Variants in MGA observed in about 807,000 individuals in gnomAD.
The protein encoded by MGA is MAX dimerization protein MGA, also known as MAX gene-associated protein.
A neutral mutation model predicts 261.1 loss-of-function variants in MGA; 40 were observed. That is an observed-to-expected ratio of 0.15 (90% confidence interval 0.12 to 0.20). MGA has a LOEUF of 0.20. Ranked by LOEUF, MGA falls within the 10% of genes least tolerant of loss-of-function variation. The probability of loss-of-function intolerance (pLI) is 1.00; values close to 1 mark genes in which losing one functional copy is unlikely to be tolerated. For missense variants in MGA, 3,397 were observed against 3,630.5 expected, an observed-to-expected ratio of 0.94 and a Z score of 1.65; for synonymous variants, 1,302 against 1,290.6, an observed-to-expected ratio of 1.01 and a Z score of -0.19.
chr15:41,740,166 G>A lies in MGA; in HGVS notation c.4548G>A (p.Lys1516=). 6.2e-7 allele frequency: 1 copy of A among 1,613,992 alleles called. No individual in the cohort carries two copies. The highest frequency in any genetic ancestry group is 8.5e-7 in the Non-Finnish European group (1 of 1,179,868). Reference sequence around the variant, plus strand: ...GCACTGCAACAAATCGCCCTGGGAAGAATCTGAAGGCGTTTGTCCCAGCAA... The same window carrying A: ...GCACTGCAACAAATCGCCCTGGGAAAAATCTGAAGGCGTTTGTCCCAGCAA... Residue 1516 remains lysine, a synonymous_variant, in exon 14 of 24, where the codon AAG becomes AAA. Coordinates refer to ENST00000219905, the MANE Select transcript of MGA (RefSeq NM_001164273.2).
At position 41,669,768 on chromosome 15, in the gene MGA, G is replaced by A. The variant is rs1488463450; in HGVS notation, c.874G>A (p.Val292Ile). ...TATTTCCAGTTCTTCTGGTCATCGG[G>A]TCCGTCTTACAGAAGGTCAGGGGTC... The change falls in exon 2 of 24, where the codon GTC (valine) becomes ATC (isoleucine). Residue 292 changes from valine (V) to isoleucine (I), a missense_variant. Physicochemically the swap from Val to Ile is conservative, Grantham distance 29. Transcript: ENST00000219905. 8.7e-6 allele frequency: 14 copies of A among 1,613,942 alleles called. No individual in the cohort carries two copies. Among genetic ancestry groups the A allele is most frequent in the Non-Finnish European group, 8.5e-7 (1 of 1,179,870 alleles).
intron 5 of MGA, among the ~76,000 whole-genome samples, chr15:41,706,395 A>G (rs977158079): frequency 3.3e-5 from 5 of 150,572 alleles, no homozygotes; most frequent in African/African-American, 1.2e-4. Flanking sequence ...CTACAGGTGC[A>G]CGCCACAGTG....
intron 9 of MGA, 91 bp from the exon 10 acceptor site, chr15:41,727,089 T>C: frequency 2.1e-6 from 2 of 937,470 alleles, no homozygotes; most frequent in Non-Finnish European, 1.6e-6. Context: ...TACTGCCTTT[T>C]GTGAGGGAGC....
intron 15 of MGA, among the ~76,000 whole-genome samples, chr15:41,745,305 AAAG>A (rs1318674914): frequency 4.7e-5 from 7 of 149,726 alleles, no homozygotes; most frequent in South Asian, 2.1e-4. Context: ...AAAAAAAAAA[AAAG>A]AGACAGCATT....
chr15:41,638,633 CAA>C (rs2056757705), intron 1 of MGA, among the ~76,000 whole-genome samples: 1 of 151,208 alleles, frequency 6.6e-6, no homozygotes, highest in Admixed American at 6.6e-5. Flanking sequence ...CTTGGCCTCT[CAA>C]AGTGTTGGGA....
Position 41,762,281 on chromosome 15 carries a change from T to C in MGA, c.7663T>C (p.Ser2555Pro). 4 of 1,613,886 alleles carry C rather than the reference T, an allele frequency of 2.5e-6. No individual in the cohort carries two copies. Among genetic ancestry groups the C allele is most frequent in the Non-Finnish European group, 3.4e-6 (4 of 1,179,862 alleles). The change falls in exon 22 of 24, where the codon TCT (serine) becomes CCT (proline). Residue 2555 changes from serine (S) to proline (P), a missense_variant. Coordinates refer to ENST00000219905, the MANE Select transcript of MGA (RefSeq NM_001164273.2). ...ACAGCAGGAAGGATCTTCTGCATCATCTGTAGATCTTGGACAGATGTTTAT... is the reference window on the plus strand; with the variant it reads ...ACAGCAGGAAGGATCTTCTGCATCACCTGTAGATCTTGGACAGATGTTTAT...
intron 2 of MGA, among the ~76,000 whole-genome samples, chr15:41,685,959 C>T (rs1011442072): frequency 2.0e-5 from 3 of 149,594 alleles, no homozygotes; most frequent in Non-Finnish European, 4.4e-5. Context: ...GAGCCGAGAT[C>T]GTGCCACTGC....
chr15:41,659,240 G>A (rs1442377412), upstream of MGA, among the ~76,000 whole-genome samples: 2 of 152,178 alleles, frequency 1.3e-5, no homozygotes, highest in African/African-American at 4.8e-5. Flanking sequence ...TATCTCCTCA[G>A]GAAGAGCAAA....
chr15:41,676,160 T>C (rs1454958217), intron 2 of MGA, among the ~76,000 whole-genome samples: 1 of 152,210 alleles, frequency 6.6e-6, no homozygotes, highest in African/African-American at 2.4e-5. Flanking sequence ...AGAATGACAT[T>C]ATTATAGAGA....
chr15:41,689,832 C>G (rs1325000072), intron 2 of MGA, among the ~76,000 whole-genome samples: 1 of 152,138 alleles, frequency 6.6e-6, no homozygotes, highest in Non-Finnish European at 1.5e-5. Flanking sequence ...TCAGCCACCA[C>G]ACCTGGCCCA....
rs1361664128 is a variant in MGA at position 41,710,810 on chromosome 15, C to T, written c.2545C>T (p.Pro849Ser). ...AAGCATGGGTTTTTCTTCTAATGCT[C>T]CCACATCTCCTGTGGTGTACCAGCT... is the stretch of plus-strand genomic sequence containing the variant. The change falls in exon 8 of 24, where the codon CCC becomes TCC. Residue 849 changes from proline (P) to serine (S), a missense_variant. Coordinates refer to ENST00000219905, the MANE Select transcript of MGA (RefSeq NM_001164273.2). The T allele has an allele frequency of 1.2e-5, 19 of 1,613,836 alleles. No homozygotes were observed. The highest frequency in any genetic ancestry group is 1.4e-5 in the Non-Finnish European group (17 of 1,179,880).
At chr15:41,633,354 AT>A (rs60602781) in intron 1 of MGA, among the ~76,000 whole-genome samples, 1,859 of 112,498 alleles carry the variant, frequency 0.017, 21 homozygotes, top group African/African-American at 0.033. Flanking sequence ...CTCCTATGGT[AT>A]TTTTTTTTTT....
chr15:41,687,399 TTTTGTA>T (rs2059026815), intron 2 of MGA, among the ~76,000 whole-genome samples: 1 of 152,186 alleles, frequency 6.6e-6, no homozygotes, highest in Non-Finnish European at 1.5e-5. Context: ...TGTATTTGTA[TTTTGTA>T]TTTGTATTTA....
intron 1 of MGA, among the ~76,000 whole-genome samples, chr15:41,636,818 C>A (rs560911075): frequency 6.6e-6 from 1 of 151,894 alleles, no homozygotes; most frequent in Non-Finnish European, 1.5e-5. Context: ...CCCAAAGTGC[C>A]GGGATTACAA....
At chr15:41,671,248 T>C (rs776889770) in intron 2 of MGA, among the ~76,000 whole-genome samples, 1 of 152,226 alleles carries the variant, frequency 6.6e-6, no homozygotes, top group Non-Finnish European at 1.5e-5. Flanking sequence ...TTTCACAAAG[T>C]TCCAAAAAGC....
chr15:41,656,423 C>T (rs1363867151), upstream of MGA, among the ~76,000 whole-genome samples: 1 of 144,808 alleles, frequency 6.9e-6, no homozygotes, highest in African/African-American at 2.5e-5. Flanking sequence ...CTCACTGCAA[C>T]CTCTGCCCCC....
intron 5 of MGA, among the ~76,000 whole-genome samples, chr15:41,703,450 A>T (rs929877466): frequency 3.6e-5 from 5 of 137,448 alleles, no homozygotes; most frequent in Admixed American, 1.8e-4. Context: ...CTCACACTTA[A>T]TGTGCAAGAA....
At chr15:41,634,840 G>A (rs1375262828) in intron 1 of MGA, among the ~76,000 whole-genome samples, 1 of 152,146 alleles carries the variant, frequency 6.6e-6, no homozygotes, top group Non-Finnish European at 1.5e-5. Context: ...TTGAGACCTC[G>A]AGCTTCAGGC....
chr15:41,680,509 G>C (rs932834684), intron 2 of MGA, among the ~76,000 whole-genome samples: 2 of 152,122 alleles, frequency 1.3e-5, no homozygotes, highest in African/African-American at 4.8e-5. Flanking sequence ...GGAGATCCTA[G>C]GCCACCTGTA....
Sources: gnomAD v4.1 joint callset for allele counts (sites outside exome capture counted in the v4.1 genomes callset) on GRCh38, gnomAD v4.1.1 for gene constraint, MANE v1.5 for transcripts, NCBI Gene and HGNC (gene_info 2026-07-23, HGNC 2026-07-21) for gene names.